Variants in VPS50 observed in about 807,000 individuals in gnomAD.
VPS50 encodes the protein syndetin.
Under a neutral mutation model 139.7 loss-of-function variants are expected in VPS50, and 70 were observed. The observed-to-expected ratio is 0.50, with a 90% CI of 0.41 to 0.61. The LOEUF is 0.61. Among genes scored for constraint, VPS50 ranks in the 20% least tolerant of loss-of-function variants. The probability of loss-of-function intolerance (pLI) is 0.00; values close to 1 mark genes in which losing one functional copy is unlikely to be tolerated. For missense variants in VPS50, 921 were observed against 1,133.7 expected, an observed-to-expected ratio of 0.81 and a Z score of 2.69; for synonymous variants, 365 against 376.7, an observed-to-expected ratio of 0.97 and a Z score of 0.36.
chr7:93,272,887 T>C (rs1483302524), intron 11 of VPS50, 154 bp downstream of exon 11: 3 of 506,148 alleles, frequency 5.9e-6, no homozygotes, highest in Non-Finnish European at 1.0e-5. Context: ...ATGGTTGTTC[T>C]TGTAGACTCA....
intron 2 of VPS50, among the ~76,000 whole-genome samples, chr7:93,240,310 T>C (rs1397047028): frequency 2.0e-5 from 3 of 151,780 alleles, no homozygotes. Context: ...TAAAGTGAAA[T>C]AGTTGACTAC....
intron 20 of VPS50, among the ~76,000 whole-genome samples, chr7:93,321,825 C>T (rs1797622069): frequency 6.6e-6 from 1 of 152,136 alleles, no homozygotes; most frequent in African/African-American, 2.4e-5. Context: ...CCTCATTCTA[C>T]TTATTCATCT....
intron 9 of VPS50, among the ~76,000 whole-genome samples, chr7:93,264,711 A>G (rs1795788623): frequency 6.6e-6 from 1 of 152,236 alleles, no homozygotes; most frequent in South Asian, 2.1e-4. Flanking sequence ...TGACAAATAT[A>G]GCAATACTGG....
At chr7:93,356,167 G>A in intron 27 of VPS50, 87 bp downstream of exon 27, 1 of 639,914 alleles carries the variant, frequency 1.6e-6, no homozygotes, top group Non-Finnish European at 2.5e-6. Context: ...TCAAAATCAT[G>A]AGAGTGAAAT....
Position 93,247,430 on chromosome 7 carries a change from G to T in VPS50, c.103-5223G>T, listed in dbSNP as rs151233132. 1.8e-3 allele frequency among the ~76,000 whole-genome samples: 280 copies of T among 151,894 alleles called. 1 individual carries two copies. The highest frequency in any genetic ancestry group is 3.4e-3 in the Middle Eastern group (1 of 294). On this transcript the variant is annotated intron_variant, in intron 2 of 27. Transcript: ENST00000305866. ...CCACCCTTTATTGCTTTAACCTGTT[G>T]TGCACTTTCTCGATTCAATATTTTT...
intron 4 of VPS50, among the ~76,000 whole-genome samples, chr7:93,255,995 C>G (rs1283496549): frequency 6.6e-6 from 1 of 152,166 alleles, no homozygotes; most frequent in Non-Finnish European, 1.5e-5. Context: ...ATACACACAA[C>G]CTTAGATATC....
chr7:93,275,427 A>G (rs145986103), intron 11 of VPS50, among the ~76,000 whole-genome samples: 29 of 152,316 alleles, frequency 1.9e-4, no homozygotes, highest in African/African-American at 6.0e-4. Flanking sequence ...TTTAGCAACC[A>G]GCACCCTGAT....
chr7:93,315,682 G>A (rs1797405604), intron 20 of VPS50, among the ~76,000 whole-genome samples: 1 of 152,082 alleles, frequency 6.6e-6, no homozygotes, highest in African/African-American at 2.4e-5. Context: ...CTTTTCATAT[G>A]CTTAAAAGAC....
chr7:93,257,759 A>AACTTACCTC, intron 6 of VPS50: 1 of 261,860 alleles, frequency 3.8e-6, no homozygotes, highest in Non-Finnish European at 7.0e-6. Flanking sequence ...CCAATCTGTT[A>AACTTACCTC]CAGGCTGTGA....
At chr7:93,291,218 G>A (rs1796638808) in intron 12 of VPS50, among the ~76,000 whole-genome samples, 8 of 152,028 alleles carry the variant, frequency 5.3e-5, no homozygotes, top group Admixed American at 5.2e-4. Flanking sequence ...GTCAGATATA[G>A]AATATCTATT....
At chr7:93,304,409 C>G (rs1371058124) in intron 17 of VPS50, among the ~76,000 whole-genome samples, 1 of 150,944 alleles carries the variant, frequency 6.6e-6, no homozygotes, top group East Asian at 1.9e-4. Flanking sequence ...ATATTGTTTT[C>G]CTATTATAGA....
At position 93,348,769 on chromosome 7, in the gene VPS50, G is replaced by T; in HGVS notation, c.2266G>T (p.Ala756Ser). 1 of 1,613,584 alleles carries T rather than the reference G, an allele frequency of 6.2e-7. No homozygotes were observed. Among genetic ancestry groups the T allele is most frequent in the Non-Finnish European group, 8.5e-7 (1 of 1,179,622 alleles). Residue 756 changes from alanine (A) to serine (S), a missense_variant, in exon 24 of 28, where the codon GCA becomes TCA. Coordinates refer to ENST00000305866, the MANE Select transcript of VPS50 (RefSeq NM_017667.4). ...LQPHLDAVMPAVKKPFLQQFY... is the reference protein window; with the variant it reads ...LQPHLDAVMPSVKKPFLQQFY... Reference sequence around the variant, plus strand: ...GCCACATCTGGATGCTGTGATGCCTGCAGTCAAAAAGCCCTTTCTTCAGCA... The same window carrying T: ...GCCACATCTGGATGCTGTGATGCCTTCAGTCAAAAAGCCCTTTCTTCAGCA...
In VPS50 at chr7:93,256,539, GA is replaced by G; in HGVS notation, c.333del (p.Lys111AsnfsTer6). ...TAAAAAAGTGGCAGATTTAATCCTT[GA>G]AAAACAGCCTGCTTATGTAAAGGTA... ...VSKKVADLIL[E>X]KQPAYVKELE... On this transcript the variant is annotated frameshift_variant, in exon 5 of 28. Coordinates refer to ENST00000305866, the MANE Select transcript of VPS50 (RefSeq NM_017667.4). LOFTEE classifies it high-confidence loss of function. 1 of 1,462,620 alleles carries G rather than the reference GA, an allele frequency of 6.8e-7. No homozygotes were observed. Among genetic ancestry groups the G allele is most frequent in the Non-Finnish European group, 9.2e-7 (1 of 1,092,294 alleles). 90.6% of individuals were successfully genotyped at this position (1,462,620 alleles called of 1,614,324 possible). A position where few individuals can be genotyped will look rare whatever the true frequency, so the allele number is the denominator to read the frequency against.
At chr7:93,326,198 C>CA (rs1797766690) in intron 21 of VPS50, among the ~76,000 whole-genome samples, 1 of 146,780 alleles carries the variant, frequency 6.8e-6, no homozygotes, top group Non-Finnish European at 1.5e-5. Flanking sequence ...ATCACAAGGA[C>CA]AAAAAACCAA....
At chr7:93,303,818 A>AT (rs142199940) in intron 17 of VPS50, among the ~76,000 whole-genome samples, 11 of 151,708 alleles carry the variant, frequency 7.3e-5, no homozygotes, top group African/African-American at 2.7e-4. Flanking sequence ...TTAAAATGAT[A>AT]TTTTTTGTTT....
Position 93,348,922 on chromosome 7 carries a change from G to A in VPS50, c.2304+115G>A, listed in dbSNP as rs576946995. ...AAGTCAGTCTTGAAACCCCAGGAGA[G>A]CCAGATAAAATATTCATTTATTCAC... is the stretch of plus-strand genomic sequence containing the variant. On this transcript the variant is annotated intron_variant, in intron 24 of 27. Coordinates refer to ENST00000305866, the MANE Select transcript of VPS50 (RefSeq NM_017667.4). 6.1e-6 allele frequency: 4 copies of A among 655,954 alleles called. No individual in the cohort carries two copies. In the East Asian group the frequency reaches 1.1e-4, roughly 18 times the overall value. 40.6% of individuals were successfully genotyped at this position (655,954 alleles called of 1,614,324 possible).
At chr7:93,257,681 A>G in intron 6 of VPS50, 1 of 371,554 alleles carries the variant, frequency 2.7e-6, no homozygotes, top group Non-Finnish European at 4.7e-6. Flanking sequence ...TACTATTTTT[A>G]TATTATTTAG....
At chr7:93,326,989 T>TA (rs1408329018) in intron 21 of VPS50, among the ~76,000 whole-genome samples, 11 of 152,190 alleles carry the variant, frequency 7.2e-5, no homozygotes, top group African/African-American at 1.2e-4. Context: ...TTATATACTA[T>TA]AAAGTATGTA....
At chr7:93,235,092 T>C (rs1794760549) in intron 1 of VPS50, among the ~76,000 whole-genome samples, 1 of 151,982 alleles carries the variant, frequency 6.6e-6, no homozygotes, top group South Asian at 2.1e-4. Context: ...GAAGGTAATA[T>C]AAAAAAACCT....
Sources: allele counts gnomAD v4.1 joint callset (sites outside exome capture counted in the v4.1 genomes callset), GRCh38; gene constraint gnomAD v4.1.1; transcripts MANE v1.5; gene names NCBI Gene and HGNC (gene_info 2026-07-23, HGNC 2026-07-21).